Variants in PRKN observed in about 807,000 individuals in gnomAD.
PRKN encodes the protein E3 ubiquitin-protein ligase parkin.
A neutral mutation model predicts 59.5 loss-of-function variants in PRKN; 56 were observed. The ratio of observed to expected loss-of-function variants is 0.94; its 90% CI spans 0.76 to 1.18. The LOEUF (loss-of-function observed/expected upper bound fraction) is 1.18, where lower values mean the gene tolerates loss of function less well. Ranked by LOEUF, PRKN falls within the 50% of genes most tolerant of loss-of-function variation. The pLI is 0.00. For synonymous variants in PRKN, 250 were observed against 222.1 expected, an observed-to-expected ratio of 1.13 and a Z score of -1.12; for missense variants, 657 against 596.4, an observed-to-expected ratio of 1.10 and a Z score of -1.06.
chr6:161,802,568 A>G (rs1188420900), intron 6 of PRKN, among the ~76,000 whole-genome samples: 4 of 152,002 alleles, frequency 2.6e-5, no homozygotes, highest in Admixed American at 1.3e-4. Flanking sequence ...TGCTTCCCCA[A>G]TGGTCACGTG....
intron 5 of PRKN, among the ~76,000 whole-genome samples, chr6:162,051,080 C>A (rs1242508203): frequency 6.6e-6 from 1 of 152,140 alleles, no homozygotes; most frequent in African/African-American, 2.4e-5. Context: ...CAAAATTCCC[C>A]CCATTTGGCA....
At chr6:162,072,033 C>T (rs559574739) in intron 4 of PRKN, among the ~76,000 whole-genome samples, 1 of 152,158 alleles carries the variant, frequency 6.6e-6, no homozygotes, top group South Asian at 2.1e-4. Flanking sequence ...TTTTTAATTC[C>T]TTTAACAAAT....
intron 4 of PRKN, among the ~76,000 whole-genome samples, chr6:162,179,968 C>CTGTGTG (rs61592555): frequency 0.05 from 7,022 of 139,452 alleles, 211 homozygotes; most frequent in African/African-American, 0.075. Context: ...TATCTTATTA[C>CTGTGTG]TGTGTGTGTG....
chr6:162,030,539 T>C (rs970181318), intron 5 of PRKN, among the ~76,000 whole-genome samples: 1 of 152,222 alleles, frequency 6.6e-6, no homozygotes. Flanking sequence ...GTTACAAGCC[T>C]TCCTCCAACC....
chr6:162,576,024 T>C (rs1780542187), intron 1 of PRKN, among the ~76,000 whole-genome samples: 2 of 152,214 alleles, frequency 1.3e-5, no homozygotes, highest in South Asian at 4.1e-4. Flanking sequence ...TGGTTTATAA[T>C]GAAGTTCAAT....
intron 8 of PRKN, among the ~76,000 whole-genome samples, chr6:161,556,613 T>C (rs1192845440): frequency 2.0e-5 from 3 of 152,252 alleles, no homozygotes; most frequent in Non-Finnish European, 4.4e-5. Context: ...TTTATCTCAG[T>C]ATAAAATATG....
intron 6 of PRKN, among the ~76,000 whole-genome samples, chr6:161,948,639 G>A (rs887483139): frequency 6.6e-6 from 1 of 152,164 alleles, no homozygotes; most frequent in East Asian, 1.9e-4. Context: ...ACCTGGACAG[G>A]AGTCAGCTGC....
At position 162,558,930 on chromosome 6, in the gene PRKN, C is replaced by T. The variant is rs575202186; in HGVS notation, c.8-115457G>A. Among the ~76,000 whole-genome samples the T allele has an allele frequency of 2.6e-4, 40 of 152,006 alleles. 1 individual carries two copies. Among genetic ancestry groups the T allele is most frequent in the Non-Finnish European group, 1.2e-4 (8 of 68,002 alleles). The stretch of plus-strand genomic sequence containing the variant: ...GTGCTAGGATTACAGCATGAGCCAC[C>T]GCGCCCAGCCAACTTTTCTACTTTA... On this transcript the variant is annotated intron_variant, in intron 1 of 11. Coordinates refer to ENST00000366898, the MANE Select transcript of PRKN (RefSeq NM_004562.3).
chr6:161,999,046 A>C (rs1399573239), intron 5 of PRKN, among the ~76,000 whole-genome samples: 1 of 152,140 alleles, frequency 6.6e-6, no homozygotes, highest in African/African-American at 2.4e-5. Context: ...AGATAAGTAG[A>C]TTCTCAGTAG....
chr6:162,009,601 A>G lies in PRKN; in HGVS notation c.619-36184T>C, dbSNP rs1782401337. Among the ~76,000 whole-genome samples, 3 of 151,804 alleles carry G rather than the reference A, an allele frequency of 2.0e-5. No individual in the cohort carries two copies. In the South Asian group the frequency reaches 6.2e-4, roughly 32 times the overall value. Reference sequence around the variant, plus strand: ...TAACCTTTGCACACTAAATATAAAAATTGCCCTTCACAGGCACACAGGATG... The same window carrying G: ...TAACCTTTGCACACTAAATATAAAAGTTGCCCTTCACAGGCACACAGGATG... On this transcript the variant is annotated intron_variant, in intron 5 of 11. Coordinates refer to ENST00000366898, the MANE Select transcript of PRKN (RefSeq NM_004562.3).
At chr6:162,019,336 C>T (rs551633500) in intron 5 of PRKN, among the ~76,000 whole-genome samples, 1 of 152,226 alleles carries the variant, frequency 6.6e-6, no homozygotes, top group South Asian at 2.1e-4. Flanking sequence ...TTAGAATCTC[C>T]AGAACCATGT....
intron 6 of PRKN, among the ~76,000 whole-genome samples, chr6:161,794,417 C>G (rs1295068173): frequency 6.6e-6 from 1 of 152,094 alleles, no homozygotes; most frequent in Middle Eastern, 3.2e-3. Context: ...AGACCTACAT[C>G]AGCACCGAGG....
At chr6:162,247,355 G>T (rs777238710) in intron 3 of PRKN, among the ~76,000 whole-genome samples, 5 of 152,054 alleles carry the variant, frequency 3.3e-5, no homozygotes, top group African/African-American at 4.8e-5. Context: ...GCAAAGTGTT[G>T]TTTTGTACCA....
rs548062386 is a variant in PRKN, at chr6:162,276,067, T to C, written c.172-13302A>G. Among the ~76,000 whole-genome samples, 4 of 152,308 alleles carry C rather than the reference T, an allele frequency of 2.6e-5. No individual in the cohort carries two copies. The East Asian group carries it at 5.8e-4, about 22-fold the overall frequency. ...GATGTGGATGGTTAGAGATACTCAT[T>C]GCTAGTGGATTCATAAACGTCTGTC... On this transcript the variant is annotated intron_variant, in intron 2 of 11. Transcript: ENST00000366898.
rs535092588 is a variant in PRKN at position 161,609,243 on chromosome 6, A to G, written c.872-39827T>C. Among the ~76,000 whole-genome samples the G allele has an allele frequency of 2.0e-5, 3 of 152,352 alleles. No individual in the cohort carries two copies. In the East Asian group the frequency reaches 5.8e-4, roughly 29 times the overall value. The stretch of plus-strand genomic sequence containing the variant: ...ATCTATTTTACTTTTAATTTTTTAT[A>G]CATGTACAAGGGGGATAAATAATGA... On this transcript the variant is annotated intron_variant, in intron 7 of 11. Coordinates refer to ENST00000366898, the MANE Select transcript of PRKN (RefSeq NM_004562.3).
intron 4 of PRKN, among the ~76,000 whole-genome samples, chr6:162,079,491 C>T (rs1376653754): frequency 1.3e-5 from 2 of 152,014 alleles, no homozygotes; most frequent in African/African-American, 4.8e-5. Context: ...TTGTGCTGTC[C>T]TTCTCAGTTC....
Position 161,419,578 on chromosome 6 carries a change from G to T in PRKN, c.1084-32701C>A, listed in dbSNP as rs911098421. Among the ~76,000 whole-genome samples, 2 of 151,150 alleles carry T rather than the reference G, an allele frequency of 1.3e-5. No homozygotes were observed. Among genetic ancestry groups the T allele is most frequent in the Admixed American group, 1.3e-4 (2 of 15,176 alleles). On this transcript the variant is annotated intron_variant, in intron 9 of 11. Transcript: ENST00000366898. This position sits in a 1 kb window ranked among gnomAD's most constrained non-coding sequence, Gnocchi z 4.1. ...AATTTTTGTATTTTTTTAAAAAACG[G>T]GGTTTCACCATGTTGACCAGGCTGG...
At chr6:161,382,543 C>G (rs1469127484) in intron 10 of PRKN, among the ~76,000 whole-genome samples, 1 of 152,170 alleles carries the variant, frequency 6.6e-6, no homozygotes, top group Admixed American at 6.5e-5. Flanking sequence ...GTTTATGTGG[C>G]TTTTGCAAGA....
intron 7 of PRKN, among the ~76,000 whole-genome samples, chr6:161,679,727 C>T (rs1168787668): frequency 3.7e-5 from 2 of 54,276 alleles, no homozygotes; most frequent in Admixed American, 2.2e-4. Context: ...AAAATGTTTT[C>T]AGTTCAGAGC....
Sources: allele counts gnomAD v4.1 joint callset (sites outside exome capture counted in the v4.1 genomes callset), GRCh38; gene constraint gnomAD v4.1.1; non-coding constraint Gnocchi (gnomAD v3.1); transcripts MANE v1.5; gene names NCBI Gene and HGNC (gene_info 2026-07-23, HGNC 2026-07-21).